Variants in CEP20 observed in about 807,000 individuals in gnomAD.
CEP20 encodes the protein FGFR1OP N-terminal like.
In CEP20, 18 loss-of-function variants were observed where a neutral mutation model predicts 20.0. That is an observed-to-expected ratio of 0.90 (90% CI 0.62 to 1.34). The LOEUF (loss-of-function observed/expected upper bound fraction) is 1.34, where lower values mean the gene tolerates loss of function less well. Among genes scored for constraint, CEP20 ranks in the 40% most tolerant of loss-of-function variants. CEP20 has a pLI of 0.00. For synonymous variants in CEP20, 77 were observed against 73.7 expected (o/e 1.04, Z -0.23); for missense variants, 215 against 201.6 (o/e 1.07, Z -0.40).
At chr16:15,877,721 G>A (rs1415755268) in intron 3 of CEP20, among the ~76,000 whole-genome samples, 1 of 152,116 alleles carries the variant, frequency 6.6e-6, no homozygotes, top group East Asian at 1.9e-4. Context: ...AGGCTGCAGT[G>A]AGCCATGATC....
intron 3 of CEP20, among the ~76,000 whole-genome samples, chr16:15,878,273 T>C (rs765059535): frequency 6.6e-6 from 1 of 152,138 alleles, no homozygotes; most frequent in Non-Finnish European, 1.5e-5. Context: ...TTGCAAAGTG[T>C]CTTCCAGGCA....
chr16:15,882,562 AC>A lies in CEP20; in HGVS notation c.226+1445del, dbSNP rs923390937. ...AACAAACAAACAAACATACAAAAAA[AC>A]CTCTTCTCTTCATAAATTACCCAGT... On this transcript the variant is annotated intron_variant, in intron 2 of 4. Transcript: ENST00000255759. 1.3e-4 allele frequency among the ~76,000 whole-genome samples: 19 copies of A among 150,708 alleles called. No homozygotes were observed. In the East Asian group the frequency reaches 1.4e-3, roughly 11 times the overall value.
At position 15,867,525 on chromosome 16, in the gene CEP20, C is replaced by T. The variant is rs569677650; in HGVS notation, c.449-9G>A. 1 of 1,589,124 alleles carries T rather than the reference C, an allele frequency of 6.3e-7. No individual in the cohort carries two copies. Among genetic ancestry groups the T allele is most frequent in the South Asian group, 1.1e-5 (1 of 88,116 alleles). On this transcript the variant is annotated splice_polypyrimidine_tract_variant and intron_variant, in intron 4 of 4. Coordinates refer to ENST00000255759, the MANE Select transcript of CEP20 (RefSeq NM_144600.4). ...CTTTCTTAGGTGGTCATCTGAAATG[C>T]ACAGAAACCAATGTTAATACTTATC...
chr16:15,870,990 C>CAGTG (rs1165642803), intron 4 of CEP20, among the ~76,000 whole-genome samples: 1 of 152,166 alleles, frequency 6.6e-6, no homozygotes, highest in Non-Finnish European at 1.5e-5. Flanking sequence ...TGGCCAGATG[C>CAGTG]AGTGGCTCAC....
rs760217682 is a variant in CEP20 at position 15,866,393 on chromosome 16, A to C, written c.*1047T>G. The C allele has an allele frequency of 1.3e-5, 2 of 152,220 alleles. No individual in the cohort carries two copies. Among genetic ancestry groups the C allele is most frequent in the Non-Finnish European group, 2.9e-5 (2 of 68,040 alleles). The allele number at this position is 152,220 out of a possible 1,614,324, so 9.4% of individuals were successfully genotyped here. Reference sequence around the variant, plus strand: ...GTGCAGGCAAAATTTAATTCTGAATATACCATCGAACTTTTGCCAATCAGG... The same window carrying C: ...GTGCAGGCAAAATTTAATTCTGAATCTACCATCGAACTTTTGCCAATCAGG... On this transcript the variant is annotated 3_prime_UTR_variant, in exon 5 of 5. Transcript: ENST00000255759.
chr16:15,882,444 C>G (rs1329304243), intron 2 of CEP20, among the ~76,000 whole-genome samples: 1 of 151,748 alleles, frequency 6.6e-6, no homozygotes, highest in Non-Finnish European at 1.5e-5. Context: ...GCAGGAGAAT[C>G]ACTTGAACCC....
intron 2 of CEP20, chr16:15,883,192 T>C (rs1472722966): frequency 1.3e-5 from 2 of 152,000 alleles, no homozygotes; most frequent in South Asian, 2.1e-4. Context: ...TGAGAGCTCA[T>C]CTCTATAAAT....
At chr16:15,888,055 G>A (rs1023369282) in intron 1 of CEP20, among the ~76,000 whole-genome samples, 1 of 149,326 alleles carries the variant, frequency 6.7e-6, no homozygotes. Flanking sequence ...TCCAGCCTGG[G>A]CGACAGAGAG....
intron 1 of CEP20, among the ~76,000 whole-genome samples, chr16:15,886,989 C>T (rs529840141): frequency 1.3e-5 from 2 of 151,872 alleles, no homozygotes; most frequent in South Asian, 4.2e-4. Flanking sequence ...ACCTCTATCT[C>T]CTGGGCTCAA....
chr16:15,887,804 T>C (rs1444807191), intron 1 of CEP20, among the ~76,000 whole-genome samples: 2 of 152,014 alleles, frequency 1.3e-5, no homozygotes, highest in Non-Finnish European at 1.5e-5. Flanking sequence ...TCTAGTTTCT[T>C]CTGATGAAAA....
At chr16:15,876,939 C>T (rs1012169601) in intron 3 of CEP20, among the ~76,000 whole-genome samples, 1 of 151,554 alleles carries the variant, frequency 6.6e-6, no homozygotes, top group African/African-American at 2.4e-5. Flanking sequence ...GCAAGCTCCA[C>T]CTCCCCGTTT....
chr16:15,877,834 C>T (rs541076206), intron 3 of CEP20, among the ~76,000 whole-genome samples: 1 of 151,910 alleles, frequency 6.6e-6, no homozygotes, highest in South Asian at 2.1e-4. Context: ...GTGGGCAGAT[C>T]ACTTGAGGCC....
At chr16:15,884,259 A>G (rs1313241358) in intron 1 of CEP20, 54 bp from the exon 2 acceptor site, 1 of 1,508,338 alleles carries the variant, frequency 6.6e-7, no homozygotes, top group African/African-American at 1.4e-5. Flanking sequence ...TGTCATTCTT[A>G]GGCATACTTT....
intron 3 of CEP20, among the ~76,000 whole-genome samples, chr16:15,879,012 CTTT>C (rs201473289): frequency 3.0e-5 from 4 of 135,400 alleles, no homozygotes; most frequent in Non-Finnish European, 4.8e-5. Flanking sequence ...CTCCTATGTA[CTTT>C]TTTTTTTTTT....
At chr16:15,872,985 C>T (rs1672911591) in intron 4 of CEP20, among the ~76,000 whole-genome samples, 1 of 151,948 alleles carries the variant, frequency 6.6e-6, no homozygotes, top group East Asian at 1.9e-4. Context: ...AAAAAATAAT[C>T]ACTTGATAAA....
chr16:15,881,473 T>G (rs1206947825), intron 2 of CEP20, among the ~76,000 whole-genome samples: 1 of 152,204 alleles, frequency 6.6e-6, no homozygotes, highest in Non-Finnish European at 1.5e-5. Context: ...TGTTTAATAT[T>G]AAATAAAGGA....
chr16:15,876,169 C>CTT (rs58260368), intron 3 of CEP20, among the ~76,000 whole-genome samples: 22 of 141,404 alleles, frequency 1.6e-4, no homozygotes, highest in Admixed American at 5.7e-4. Context: ...TACCATATTA[C>CTT]TTTTTTTTTT....
chr16:15,869,641 A>G (rs2044765805), intron 4 of CEP20, among the ~76,000 whole-genome samples: 1 of 152,106 alleles, frequency 6.6e-6, no homozygotes. Flanking sequence ...AAGCCAATTT[A>G]GTTTCAGGGT....
chr16:15,869,696 G>A (rs1294107451), intron 4 of CEP20, among the ~76,000 whole-genome samples: 1 of 150,634 alleles, frequency 6.6e-6, no homozygotes, highest in Non-Finnish European at 1.5e-5. Context: ...AAGGTGCTGT[G>A]ATGTAGAATA....
Sources: allele counts gnomAD v4.1 joint callset (sites outside exome capture counted in the v4.1 genomes callset), GRCh38; gene constraint gnomAD v4.1.1; transcripts MANE v1.5; gene names NCBI Gene and HGNC (gene_info 2026-07-23, HGNC 2026-07-21).